Variants in SORCS3 observed in about 807,000 individuals in gnomAD.
The protein encoded by SORCS3 is VPS10 domain-containing receptor SorCS3.
SORCS3 carries 57 observed loss-of-function variants against 146.3 expected under a neutral mutation model. The ratio of observed to expected loss-of-function variants is 0.39; its 90% CI spans 0.31 to 0.49. The LOEUF is 0.49. SORCS3 is among the 20% of genes least tolerant of loss of function. The probability of loss-of-function intolerance (pLI) is 0.92; values close to 1 mark genes in which losing one functional copy is unlikely to be tolerated. For synonymous variants in SORCS3, 653 were observed against 618.5 expected, an observed-to-expected ratio of 1.06 and a Z score of -0.83; for missense variants, 1,341 against 1,575.5, an observed-to-expected ratio of 0.85 and a Z score of 2.52.
At chr10:104,794,364 A>T (rs2017527509) in intron 1 of SORCS3, among the ~76,000 whole-genome samples, 1 of 152,060 alleles carries the variant, frequency 6.6e-6, no homozygotes, top group South Asian at 2.1e-4. Flanking sequence ...TTTTTCTATT[A>T]TGAAGCCAAA....
chr10:104,807,576 G>C (rs1348745955), intron 1 of SORCS3, among the ~76,000 whole-genome samples: 1 of 152,190 alleles, frequency 6.6e-6, no homozygotes, highest in Non-Finnish European at 1.5e-5. Context: ...AGAATCCTAC[G>C]TTTAGAGCGT....
chr10:104,696,486 T>TAATATAG (rs1249770159), intron 1 of SORCS3, among the ~76,000 whole-genome samples: 1 of 43,262 alleles, frequency 2.3e-5, no homozygotes, highest in Non-Finnish European at 4.5e-5. Flanking sequence ...ATAGAATATA[T>TAATATAG]AATATATAAT....
intron 25 of SORCS3, among the ~76,000 whole-genome samples, chr10:105,260,704 C>T (rs1205178899): frequency 6.6e-6 from 1 of 152,144 alleles, no homozygotes; most frequent in Non-Finnish European, 1.5e-5. Context: ...GGAGTTGGAG[C>T]AGATAGGGGA....
At chr10:104,642,022 G>GGGGGGGGGGGGCC in intron 1 of SORCS3, 68 bp downstream of exon 1, 5 of 173,336 alleles carry the variant, frequency 2.9e-5, no homozygotes, top group East Asian at 1.5e-4. Context: ...GGGTGGGTGG[G>GGGGGGGGGGGGCC]AGCGAGGGAC....
chr10:104,889,503 G>A (rs878940956), intron 2 of SORCS3, among the ~76,000 whole-genome samples: 1 of 133,476 alleles, frequency 7.5e-6, no homozygotes, highest in Admixed American at 7.9e-5. Flanking sequence ...TTGACTTGCT[G>A]TGTATAACTA....
intron 2 of SORCS3, among the ~76,000 whole-genome samples, chr10:104,876,066 G>A (rs2491375): frequency 6.6e-6 from 1 of 152,042 alleles, no homozygotes; most frequent in African/African-American, 2.4e-5. Flanking sequence ...CAATAAAGTA[G>A]CAAATTGTAT....
At chr10:104,697,896 G>A (rs2016235370) in intron 1 of SORCS3, among the ~76,000 whole-genome samples, 1 of 152,130 alleles carries the variant, frequency 6.6e-6, no homozygotes. Flanking sequence ...GGTTTAATGA[G>A]GCTATTCAGC....
chr10:104,846,977 A>G (rs181207591), intron 2 of SORCS3, among the ~76,000 whole-genome samples: 1 of 152,340 alleles, frequency 6.6e-6, no homozygotes, highest in East Asian at 1.9e-4. Context: ...GTCTGCAGCT[A>G]GACAGACATA....
At chr10:104,722,796 T>C (rs2016567017) in intron 1 of SORCS3, among the ~76,000 whole-genome samples, 1 of 152,224 alleles carries the variant, frequency 6.6e-6, no homozygotes, top group Admixed American at 6.5e-5. Flanking sequence ...CTGATGGTAG[T>C]TTGTATTTCT....
At chr10:104,980,125 G>A (rs1289858843) in intron 4 of SORCS3, among the ~76,000 whole-genome samples, 1 of 152,214 alleles carries the variant, frequency 6.6e-6, no homozygotes, top group Non-Finnish European at 1.5e-5. Context: ...AGACTTGGTG[G>A]CTGCTCTTTC....
intron 1 of SORCS3, among the ~76,000 whole-genome samples, chr10:104,758,337 G>A (rs1235313719): frequency 1.3e-5 from 2 of 152,124 alleles, no homozygotes; most frequent in Non-Finnish European, 2.9e-5. Context: ...AGGGGTGGGT[G>A]GAGTGTAACC....
At chr10:104,726,940 T>G (rs140988531) in intron 1 of SORCS3, among the ~76,000 whole-genome samples, 38 of 152,306 alleles carry the variant, frequency 2.5e-4, no homozygotes, top group Admixed American at 1.1e-3. Context: ...CTCTAGTTAT[T>G]GACATTTGCC....
chr10:104,651,065 A>T (rs2015552589), intron 1 of SORCS3, among the ~76,000 whole-genome samples: 1 of 152,218 alleles, frequency 6.6e-6, no homozygotes, highest in Non-Finnish European at 1.5e-5. Context: ...ATAGTGGGGG[A>T]ACTTGTCTAC....
At chr10:104,902,424 G>A (rs2018861104) in intron 2 of SORCS3, among the ~76,000 whole-genome samples, 1 of 152,260 alleles carries the variant, frequency 6.6e-6, no homozygotes, top group African/African-American at 2.4e-5. Flanking sequence ...GGAGTGGGCT[G>A]TGAGGGACAG....
intron 8 of SORCS3, among the ~76,000 whole-genome samples, chr10:105,143,618 A>G (rs1490877378): frequency 1.3e-5 from 2 of 152,188 alleles, no homozygotes; most frequent in Non-Finnish European, 2.9e-5. Context: ...TCTGGTGAGT[A>G]TTAGAGATAA....
At chr10:105,217,163 G>T (rs779439130) in intron 19 of SORCS3, 41 bp downstream of exon 19, 2 of 1,604,080 alleles carry the variant, frequency 1.2e-6, no homozygotes, top group Non-Finnish European at 1.7e-6. Flanking sequence ...TTTGTTCCCA[G>T]TTGGCAACTT....
intron 5 of SORCS3, among the ~76,000 whole-genome samples, chr10:105,048,208 C>A (rs577825594): frequency 1.3e-5 from 2 of 151,680 alleles, no homozygotes; most frequent in Non-Finnish European, 2.9e-5. Context: ...GATTATAAAT[C>A]ATGCTGCTAT....
chr10:105,026,441 T>G (rs2055231946), intron 4 of SORCS3, among the ~76,000 whole-genome samples: 1 of 152,156 alleles, frequency 6.6e-6, no homozygotes, highest in African/African-American at 2.4e-5. Flanking sequence ...GGAAGCAAAA[T>G]GGAATCATCA....
At chr10:104,914,053 G>A (rs577457349) in intron 2 of SORCS3, among the ~76,000 whole-genome samples, 8 of 152,184 alleles carry the variant, frequency 5.3e-5, no homozygotes, top group Admixed American at 2.6e-4. Flanking sequence ...ACAGGCGTGC[G>A]TCACCACACC....
Sources: allele counts gnomAD v4.1 joint callset (sites outside exome capture counted in the v4.1 genomes callset), GRCh38; gene constraint gnomAD v4.1.1; transcripts MANE v1.5; gene names NCBI Gene and HGNC (gene_info 2026-07-23, HGNC 2026-07-21).